The following SYNRG variants were observed in gnomAD, a reference collection of about 807,000 sequenced individuals.
SYNRG encodes the protein synergin gamma.
SYNRG carries 37 observed loss-of-function variants against 130.9 expected under a neutral mutation model. That is an observed-to-expected ratio of 0.28 (90% CI 0.22 to 0.37). The LOEUF is 0.37. Among genes scored for constraint, SYNRG ranks in the 10% least tolerant of loss-of-function variants. The pLI is 1.00. For synonymous variants in SYNRG, 539 were observed against 568.1 expected, an observed-to-expected ratio of 0.95 and a Z score of 0.73; for missense variants, 1,338 against 1,588.9, an observed-to-expected ratio of 0.84 and a Z score of 2.68.
Position 37,609,398 on chromosome 17 carries a change from C to G in SYNRG, c.-43G>C, listed in dbSNP as rs986585479. 1.4e-6 allele frequency: 2 copies of G among 1,382,210 alleles called. No individual in the cohort carries two copies. Among genetic ancestry groups the G allele is most frequent in the Non-Finnish European group, 1.9e-6 (2 of 1,072,022 alleles). 85.6% of individuals were successfully genotyped at this position (1,382,210 alleles called of 1,614,324 possible). On this transcript the variant is annotated 5_prime_UTR_variant, in exon 1 of 22. Coordinates refer to ENST00000612223, the MANE Select transcript of SYNRG (RefSeq NM_007247.6). ...GCTGCCTTCGCCGCCGCCACCTTAT[C>G]AGCAGCTGTCAGCTGAACACAGCCA...
chr17:37,555,471 T>C (rs2059049960), intron 13 of SYNRG, among the ~76,000 whole-genome samples: 1 of 152,218 alleles, frequency 6.6e-6, no homozygotes, highest in Non-Finnish European at 1.5e-5. Flanking sequence ...TTTATTATCA[T>C]AGTAATGTTA....
chr17:37,594,705 C>G (rs1169836786), intron 3 of SYNRG, among the ~76,000 whole-genome samples: 1 of 152,084 alleles, frequency 6.6e-6, no homozygotes, highest in Admixed American at 6.6e-5. Context: ...CATGATCTGC[C>G]CACCTCAGCC....
chr17:37,533,926 C>CTTTTTTTTTTTTTTT lies in SYNRG; in HGVS notation c.3666+2038_3666+2052dup, dbSNP rs765621244. Among the ~76,000 whole-genome samples, 32 of 57,810 alleles carry CTTTTTTTTTTTTTTT rather than the reference C, an allele frequency of 5.5e-4. 6 individuals carry two copies. The highest frequency in any genetic ancestry group is 0.042 in the Middle Eastern group (2 of 48). 37.9% of individuals were successfully genotyped at this position (57,810 alleles called of 152,430 possible). ...AGGTTTCTAAACTTCATTTTCTTTT[C>CTTTTTTTTTTTTTTT]TTTTTTTTTTTTTTTTTTTTTTTTT... On this transcript the variant is annotated intron_variant, in intron 19 of 21. Transcript: ENST00000612223.
At chr17:37,561,051 T>C in intron 13 of SYNRG, 144 bp downstream of exon 13, 1 of 696,826 alleles carries the variant, frequency 1.4e-6, no homozygotes, top group Non-Finnish European at 2.5e-6. Flanking sequence ...TATACCATAT[T>C]GTTTTGTCCA....
At chr17:37,549,036 G>A (rs1462623550) in intron 14 of SYNRG, among the ~76,000 whole-genome samples, 1 of 151,004 alleles carries the variant, frequency 6.6e-6, no homozygotes, top group Non-Finnish European at 1.5e-5. Context: ...TCAGGAGGCC[G>A]AGGCAGGAGA....
chr17:37,598,868 C>T (rs918970742), intron 2 of SYNRG, among the ~76,000 whole-genome samples: 3 of 152,200 alleles, frequency 2.0e-5, no homozygotes, highest in Admixed American at 6.5e-5. Context: ...GGACACATAA[C>T]TCTGTAATAC....
At chr17:37,540,612 C>T (rs1321531629) in intron 15 of SYNRG, 69 bp from the exon 16 acceptor site, 18 of 1,325,756 alleles carry the variant, frequency 1.4e-5, no homozygotes, top group East Asian at 2.4e-5. Flanking sequence ...GGCTCTTCCT[C>T]GCTACCACAA....
At chr17:37,524,899 G>A (rs1041437001) in intron 19 of SYNRG, among the ~76,000 whole-genome samples, 15 of 152,192 alleles carry the variant, frequency 9.9e-5, no homozygotes, top group African/African-American at 3.4e-4. Flanking sequence ...AGGGCTATTT[G>A]AGAAATAATT....
rs954556758 is a variant in SYNRG at position 37,515,121 on chromosome 17, T to C, written c.*3819A>G. 2.0e-5 allele frequency: 3 copies of C among 152,190 alleles called. No homozygotes were observed. The highest frequency in any genetic ancestry group is 7.2e-5 in the African/African-American group (3 of 41,442). The allele number at this position is 152,190 out of a possible 1,614,324, so 9.4% of individuals were successfully genotyped here. A position where few individuals can be genotyped will look rare whatever the true frequency, so the allele number is the denominator to read the frequency against. ...TACATTCACGTCAACATATAAATAA[T>C]GGAATTAAGTAAAAACTTCATTATA... On this transcript the variant is annotated 3_prime_UTR_variant, in exon 22 of 22. Coordinates refer to ENST00000612223, the MANE Select transcript of SYNRG (RefSeq NM_007247.6).
At chr17:37,560,811 C>A (rs752834265) in intron 13 of SYNRG, among the ~76,000 whole-genome samples, 1 of 151,272 alleles carries the variant, frequency 6.6e-6, no homozygotes, top group Non-Finnish European at 1.5e-5. Context: ...ACTACAGGTG[C>A]GCACCATCAC....
intron 8 of SYNRG, among the ~76,000 whole-genome samples, chr17:37,574,475 C>T (rs1023710987): frequency 1.3e-5 from 2 of 152,026 alleles, no homozygotes; most frequent in African/African-American, 2.4e-5. Context: ...ACCCACAGAA[C>T]GGGAGAAAAT....
Position 37,571,878 on chromosome 17 carries a change from C to A in SYNRG, c.1011G>T (p.Gln337His). The change falls in exon 9 of 22, where the codon CAG (glutamine) becomes CAT (histidine). Residue 337 changes from glutamine to histidine, a missense_variant. Physicochemically the swap from Gln to His is conservative, Grantham distance 24 (BLOSUM62 0). Around this residue, in one of 3 missense-constraint regions of SYNRG, gnomAD observed 1,146 missense variants for 1,342.3 expected, o/e 0.85. Transcript: ENST00000612223. Reference sequence around the variant, plus strand: ...TAGTTCGATTAGCTAAGGCCCATATCTGTCCAAGAGTTTCCCTGGGAAGCC... The same window carrying A: ...TAGTTCGATTAGCTAAGGCCCATATATGTCCAAGAGTTTCCCTGGGAAGCC... ...SSGLPRETLG[Q>H]IWALANRTTP... 1 of 1,613,910 alleles carries A rather than the reference C, an allele frequency of 6.2e-7. No individual in the cohort carries two copies. The highest frequency in any genetic ancestry group is 8.5e-7 in the Non-Finnish European group (1 of 1,179,922).
In SYNRG at chr17:37,577,650, T is replaced by G. The variant is rs376905509; in HGVS notation, c.590-37A>C. ...GCATGAAGGATTATTTGTATATAAC[T>G]GTATATGTCTAATCTTTTTAACCAT... On this transcript the variant is annotated intron_variant, in intron 6 of 21. Coordinates refer to ENST00000612223, the MANE Select transcript of SYNRG (RefSeq NM_007247.6). 3 of 1,519,608 alleles carry G rather than the reference T, an allele frequency of 2.0e-6. No homozygotes were observed. The African/African-American group carries it at 4.1e-5, about 21-fold the overall frequency. The allele number at this position is 1,519,608 out of a possible 1,614,324, so 94.1% of individuals were successfully genotyped here.
At chr17:37,587,931 TCTC>T (rs1404980796) in intron 3 of SYNRG, among the ~76,000 whole-genome samples, 19 of 152,172 alleles carry the variant, frequency 1.2e-4, no homozygotes, top group African/African-American at 4.3e-4. Context: ...GATCAGTAAT[TCTC>T]CTATCTCATT....
chr17:37,544,165 A>C (rs192876315), intron 14 of SYNRG, among the ~76,000 whole-genome samples: 57 of 152,298 alleles, frequency 3.7e-4, no homozygotes, highest in African/African-American at 1.3e-3. Context: ...AAAACAAAAA[A>C]CACTAGTTGT....
rs190365759 is a variant in SYNRG, at chr17:37,535,961, G to A, written c.3666+18C>T. On this transcript the variant is annotated intron_variant, in intron 19 of 21. Transcript: ENST00000612223. ...TTCTGGAAAGGAAAGCAACTGCTGA[G>A]TTGTCTCATGGGCTTACTGTGAGTG... 3.0e-4 allele frequency: 487 copies of A among 1,613,066 alleles called. 2 individuals carry two copies. In the East Asian group the frequency reaches 8.0e-3, roughly 26 times the overall value.
chr17:37,580,339 G>C (rs1024582839), intron 6 of SYNRG, among the ~76,000 whole-genome samples: 2 of 150,704 alleles, frequency 1.3e-5, no homozygotes, highest in Non-Finnish European at 2.9e-5. Context: ...GTGATGCCCA[G>C]GCTAGAGTGC....
At position 37,553,995 on chromosome 17, in the gene SYNRG, G is replaced by A. The variant is rs571072541; in HGVS notation, c.1728C>T (p.Ala576=). The change falls in exon 14 of 22, where the codon GCC becomes GCT. Residue 576 remains alanine (A), a synonymous_variant. Coordinates refer to ENST00000612223, the MANE Select transcript of SYNRG (RefSeq NM_007247.6). ...TDDGFTDFKT[A]DSVSPLEPPT... ...GTGGCTCTAGTGGTGATACACTATC[G>A]GCTGTTTTAAAATCGGTGAAACCAT... The A allele has an allele frequency of 6.8e-5, 110 of 1,608,502 alleles. No individual in the cohort carries two copies. In the East Asian group the frequency reaches 1.9e-3, roughly 27 times the overall value.
At position 37,542,024 on chromosome 17, in the gene SYNRG, G is replaced by A; in HGVS notation, c.3150C>T (p.Ser1050=). ...GCTCACTTTTGATCATTTCTTCACTGGATTTCATTTTGCTTTGTGAAGTGG... is the reference window on the plus strand; with the variant it reads ...GCTCACTTTTGATCATTTCTTCACTAGATTTCATTTTGCTTTGTGAAGTGG... ...LVATSQSKMK[S]SEEMIKSELA... Residue 1050 remains serine, a synonymous_variant, in exon 15 of 22, where the codon TCC becomes TCT. Coordinates refer to ENST00000612223, the MANE Select transcript of SYNRG (RefSeq NM_007247.6). 6.2e-7 allele frequency: 1 copy of A among 1,614,134 alleles called. No individual in the cohort carries two copies. The highest frequency in any genetic ancestry group is 8.5e-7 in the Non-Finnish European group (1 of 1,180,018).
Sources: allele counts gnomAD v4.1 joint callset (sites outside exome capture counted in the v4.1 genomes callset), GRCh38; gene constraint gnomAD v4.1.1; regional missense constraint gnomAD v4.1.1; transcripts MANE v1.5; gene names NCBI Gene and HGNC (gene_info 2026-07-23, HGNC 2026-07-21).